Variants in IFI16 observed in about 807,000 individuals in gnomAD.
IFI16 encodes interferon gamma inducible protein 16.
Under a neutral mutation model 68.4 loss-of-function variants are expected in IFI16, and 49 were observed. The observed-to-expected ratio is 0.72, with a 90% CI of 0.57 to 0.91. IFI16 has a LOEUF of 0.91. Among genes scored for constraint, IFI16 ranks in the 40% least tolerant of loss-of-function variants. The probability of loss-of-function intolerance (pLI) is 0.00; values close to 1 mark genes in which losing one functional copy is unlikely to be tolerated. For synonymous variants in IFI16, 307 were observed against 315.0 expected (o/e 0.97, Z 0.27); for missense variants, 878 against 942.9 (o/e 0.93, Z 0.90).
At chr1:159,038,726 A>G (rs1300954228) in intron 7 of IFI16, among the ~76,000 whole-genome samples, 2 of 152,180 alleles carry the variant, frequency 1.3e-5, no homozygotes, top group African/African-American at 2.4e-5. Context: ...GATTTTCCAG[A>G]CACCCTCTAT....
rs1029082349 is a variant in IFI16 at position 159,031,448 on chromosome 1, G to A, written c.1162-1076G>A. 2.0e-5 allele frequency among the ~76,000 whole-genome samples: 3 copies of A among 152,204 alleles called. No individual in the cohort carries two copies. In the South Asian group the frequency reaches 6.2e-4, roughly 31 times the overall value. On this transcript the variant is annotated intron_variant, in intron 6 of 11. Coordinates refer to ENST00000295809, the MANE Select transcript of IFI16 (RefSeq NM_001376587.1). ...CAATTCTACTGGCAGCCCTCCTGAA[G>A]GACCTTTGTGAGACAAAGTCAGTAA...
chr1:159,002,027 A>G (rs943975696), upstream of IFI16, among the ~76,000 whole-genome samples: 1 of 152,202 alleles, frequency 6.6e-6, no homozygotes, highest in Non-Finnish European at 1.5e-5. Flanking sequence ...AAAGAAAAGA[A>G]AATGTTGAGG....
At chr1:159,013,552 T>G (rs1652720527) in intron 1 of IFI16, among the ~76,000 whole-genome samples, 1 of 152,120 alleles carries the variant, frequency 6.6e-6, no homozygotes, top group Admixed American at 6.6e-5. Context: ...AATTTAAAAG[T>G]TTTGGAATCC....
chr1:159,012,912 T>C (rs992670133), intron 1 of IFI16, among the ~76,000 whole-genome samples: 3 of 152,188 alleles, frequency 2.0e-5, no homozygotes, highest in African/African-American at 7.2e-5. Flanking sequence ...GCAATTGATA[T>C]GGAACTTTGG....
In IFI16 at chr1:159,018,238, A is replaced by G; in HGVS notation, c.559A>G (p.Thr187Ala). The G allele has an allele frequency of 6.2e-7, 1 of 1,613,280 alleles. No homozygotes were observed. Among genetic ancestry groups the G allele is most frequent in the Non-Finnish European group, 8.5e-7 (1 of 1,179,608 alleles). The change falls in exon 5 of 12, where the codon ACA (threonine) becomes GCA (alanine). Residue 187 changes from threonine to alanine, a missense_variant. Thr to Ala is a moderately conservative substitution (Grantham distance 58). Coordinates refer to ENST00000295809, the MANE Select transcript of IFI16 (RefSeq NM_001376587.1). ...PNSSSTENPK[T>A]VAKCQVTPRR... ...GTGCTATCATACACAGAACCCGAAA[A>G]CAGTGGCCAAATGTCAGGTAACTCC...
At chr1:159,050,104 C>T (rs946027922) in intron 9 of IFI16, among the ~76,000 whole-genome samples, 2 of 152,194 alleles carry the variant, frequency 1.3e-5, no homozygotes, top group Non-Finnish European at 2.9e-5. Context: ...TACAAAGAGT[C>T]TTATTTTCTC....
upstream of IFI16, chr1:159,009,229 A>G (rs1652397015): frequency 1.3e-5 from 2 of 152,176 alleles, no homozygotes; most frequent in African/African-American, 4.8e-5. Context: ...CATTGAGGTA[A>G]AGTAACCTAG....
chr1:159,018,100 C>G (rs1334627811), intron 4 of IFI16, 129 bp from the exon 5 acceptor site: 3 of 712,476 alleles, frequency 4.2e-6, no homozygotes, highest in Admixed American at 2.8e-5. Flanking sequence ...CAATCCCTCT[C>G]TATCCTGACT....
intron 6 of IFI16, among the ~76,000 whole-genome samples, chr1:159,023,970 G>T (rs1012341986): frequency 1.3e-5 from 2 of 152,188 alleles, no homozygotes; most frequent in Non-Finnish European, 2.9e-5. Context: ...CAGCATGATG[G>T]ATTATCCTAA....
intron 9 of IFI16, among the ~76,000 whole-genome samples, chr1:159,050,547 C>T (rs1419446703): frequency 6.6e-6 from 1 of 152,168 alleles, no homozygotes; most frequent in East Asian, 1.9e-4. Flanking sequence ...CCATCACTCA[C>T]AGGTGGCCAA....
intron 7 of IFI16, among the ~76,000 whole-genome samples, chr1:159,041,118 C>T (rs570116294): frequency 1.3e-5 from 2 of 152,214 alleles, no homozygotes; most frequent in East Asian, 1.9e-4. Flanking sequence ...TTTCAGCTAA[C>T]GGTGCGATAG....
intron 5 of IFI16, among the ~76,000 whole-genome samples, chr1:159,019,867 G>A (rs552366833): frequency 6.6e-6 from 1 of 152,160 alleles, no homozygotes; most frequent in Non-Finnish European, 1.5e-5. Context: ...TCAGGAGGGG[G>A]TACAAATATT....
intron 6 of IFI16, among the ~76,000 whole-genome samples, chr1:159,030,876 T>TTGG (rs60567074): frequency 8.1e-5 from 12 of 148,462 alleles, no homozygotes; most frequent in African/African-American, 2.5e-5. Flanking sequence ...AGGTGGTGGG[T>TTGG]GGGGGGGCCA....
intron 1 of IFI16, among the ~76,000 whole-genome samples, chr1:159,000,647 A>T (rs368788177): frequency 6.6e-6 from 1 of 152,190 alleles, no homozygotes; most frequent in Non-Finnish European, 1.5e-5. Context: ...TGCAATTTAA[A>T]TTTTTTGACA....
Position 159,054,819 on chromosome 1 carries a change from A to C in IFI16, c.2278-2A>C, listed in dbSNP as rs200659748. 1 of 1,567,016 alleles carries C rather than the reference A, an allele frequency of 6.4e-7. No individual in the cohort carries two copies. On this transcript the variant is annotated splice_acceptor_variant, in intron 11 of 11. Transcript: ENST00000295809. LOFTEE classifies it high-confidence loss of function. Reference sequence around the variant, plus strand: ...TCTGTCTTTATCTCTTTCTCCTTCAAGGTCATCAAGACCAGGAAAAACAAG... The same window carrying C: ...TCTGTCTTTATCTCTTTCTCCTTCACGGTCATCAAGACCAGGAAAAACAAG...
Position 159,046,373 on chromosome 1 carries a change from T to C in IFI16, c.1497+909T>C, listed in dbSNP as rs766098076. Among the ~76,000 whole-genome samples the C allele has an allele frequency of 1.5e-4, 22 of 151,260 alleles. 1 individual carries two copies. The highest frequency in any genetic ancestry group is 3.1e-4 in the Non-Finnish European group (21 of 67,616). On this transcript the variant is annotated intron_variant, in intron 8 of 11. Coordinates refer to ENST00000295809, the MANE Select transcript of IFI16 (RefSeq NM_001376587.1). ...TAATGTTATGGAAAATTGGCCACAT[T>C]GATGAGTTTTGTGTGTGATATGCGT...
chr1:159,004,429 G>C (rs1018081352), upstream of IFI16, among the ~76,000 whole-genome samples: 1 of 151,696 alleles, frequency 6.6e-6, no homozygotes. Context: ...AACCAGCCGG[G>C]CATCGTGACT....
chr1:159,038,668 A>G (rs773247503), intron 7 of IFI16, among the ~76,000 whole-genome samples: 28 of 152,166 alleles, frequency 1.8e-4, no homozygotes, highest in Non-Finnish European at 3.5e-4. Flanking sequence ...CATGCAGCTT[A>G]AATGTTCTTA....
intron 3 of IFI16, 75 bp downstream of exon 3, chr1:159,016,062 C>G: frequency 1.1e-6 from 1 of 878,640 alleles, no homozygotes; most frequent in Non-Finnish European, 1.8e-6. Context: ...CTCAATCTCT[C>G]CAGCAGGCAG....
Sources: gnomAD v4.1 joint callset for allele counts (sites outside exome capture counted in the v4.1 genomes callset) on GRCh38, gnomAD v4.1.1 for gene constraint, MANE v1.5 for transcripts, NCBI Gene and HGNC (gene_info 2026-07-23, HGNC 2026-07-21) for gene names.